Variants in SNX8 observed in about 807,000 individuals in gnomAD.
SNX8 encodes the protein sorting nexin-8.
In SNX8, 25 loss-of-function variants were observed where a neutral mutation model predicts 51.6. That is an observed-to-expected ratio of 0.48 (90% CI 0.35 to 0.68). The LOEUF (loss-of-function observed/expected upper bound fraction) is 0.68, where lower values mean the gene tolerates loss of function less well. SNX8 is among the 30% of genes least tolerant of loss of function. The pLI is 0.00. For synonymous variants in SNX8, 324 were observed against 277.0 expected (o/e 1.17, Z -1.68); for missense variants, 695 against 624.0 (o/e 1.11, Z -1.21).
At chr7:2,271,616 C>G (rs1433381680) in intron 4 of SNX8, among the ~76,000 whole-genome samples, 1 of 152,180 alleles carries the variant, frequency 6.6e-6, no homozygotes, top group African/African-American at 2.4e-5. Context: ...CCACAGAGAT[C>G]CATGATCTCC....
intron 2 of SNX8, among the ~76,000 whole-genome samples, chr7:2,276,628 C>T (rs1213399613): frequency 1.4e-5 from 2 of 144,252 alleles, no homozygotes; most frequent in Non-Finnish European, 3.0e-5. Flanking sequence ...CATAGCAAGT[C>T]TCCATTTGTA....
At chr7:2,336,792 A>C (rs1347344451) in intron 1 of SNX8, among the ~76,000 whole-genome samples, 1 of 151,854 alleles carries the variant, frequency 6.6e-6, no homozygotes, top group African/African-American at 2.4e-5. Flanking sequence ...AGATCATTTG[A>C]GGTCAGAAGT....
At chr7:2,260,305 C>T (rs1795305302) in intron 7 of SNX8, among the ~76,000 whole-genome samples, 1 of 152,084 alleles carries the variant, frequency 6.6e-6, no homozygotes, top group Non-Finnish European at 1.5e-5. Context: ...ACCATGTTGG[C>T]CAGGCTGGTC....
chr7:2,269,536 A>G (rs572957528), intron 5 of SNX8, 23 bp downstream of exon 5: 36 of 1,416,962 alleles, frequency 2.5e-5, no homozygotes, highest in Admixed American at 2.3e-4. Flanking sequence ...AAAAAAAAAA[A>G]AAGAAAAAAA....
At chr7:2,350,209 C>G (rs958855108) in intron 1 of SNX8, among the ~76,000 whole-genome samples, 2 of 152,160 alleles carry the variant, frequency 1.3e-5, no homozygotes, top group African/African-American at 4.8e-5. Flanking sequence ...TTATCTCATC[C>G]AAACTCCCCC....
intron 1 of SNX8, chr7:2,309,790 A>T (rs1225815695): frequency 2.1e-6 from 1 of 471,028 alleles, no homozygotes; most frequent in South Asian, 1.5e-5. Context: ...CAACGTATTC[A>T]CACAGAGAAC....
chr7:2,317,782 A>G (rs568114014), upstream of SNX8, among the ~76,000 whole-genome samples: 1 of 152,202 alleles, frequency 6.6e-6, no homozygotes, highest in East Asian at 1.9e-4. Context: ...ACCTCCATGC[A>G]AGCAGGCACA....
intron 1 of SNX8, among the ~76,000 whole-genome samples, chr7:2,339,874 T>G (rs1261742924): frequency 6.6e-6 from 1 of 152,148 alleles, no homozygotes. Flanking sequence ...ACCATGTATT[T>G]TCTGCACGTG....
intron 1 of SNX8, among the ~76,000 whole-genome samples, chr7:2,320,086 T>C (rs1455519810): frequency 6.6e-6 from 1 of 152,206 alleles, no homozygotes; most frequent in Non-Finnish European, 1.5e-5. Context: ...GCCAGGCACA[T>C]GGCTCACGCC....
rs193055340 is a variant in SNX8 at position 2,322,161 on chromosome 7, T to C, written c.-66+32061A>G. Among the ~76,000 whole-genome samples the C allele has an allele frequency of 2.6e-5, 4 of 152,302 alleles. No homozygotes were observed. The East Asian group carries it at 7.7e-4, about 29-fold the overall frequency. On this transcript the variant is annotated intron_variant, in intron 1 of 5. Transcript: ENST00000435336. The stretch of plus-strand genomic sequence containing the variant: ...ACTAGCTGGGCAAATGGACAGAACT[T>C]AGCATGCAGAGCATCGGAGTCAGAA...
chr7:2,257,398 C>T lies in SNX8; in HGVS notation c.1101G>A (p.Glu367=), dbSNP rs757992496. ...TGCGGGACTCCAGCTGCTCCACGGACTCCGGCTCGCGGTTCTGCGCGGTGG... is the reference window on the plus strand; with the variant it reads ...TGCGGGACTCCAGCTGCTCCACGGATTCCGGCTCGCGGTTCTGCGCGGTGG... ...MSATAQNREP[E]SVEQLESRIV... is the part of the protein sequence containing the mutation. The change falls in exon 9 of 11, where the codon GAG becomes GAA. Residue 367 remains glutamate, a synonymous_variant. Transcript: ENST00000222990. The T allele has an allele frequency of 3.1e-6, 5 of 1,610,186 alleles. No individual in the cohort carries two copies. Among genetic ancestry groups the T allele is most frequent in the Non-Finnish European group, 4.2e-6 (5 of 1,179,604 alleles).
chr7:2,336,137 C>T (rs549019499), intron 1 of SNX8, among the ~76,000 whole-genome samples: 2 of 150,750 alleles, frequency 1.3e-5, no homozygotes, highest in Admixed American at 6.6e-5. Flanking sequence ...CACGGTGGCT[C>T]ACACCTGTGA....
chr7:2,257,170 G>T, intron 9 of SNX8, 147 bp from the exon 10 acceptor site: 1 of 1,188,830 alleles, frequency 8.4e-7, no homozygotes, highest in Non-Finnish European at 1.1e-6. Flanking sequence ...GTAAGAGAGG[G>T]CCGGGGAGGG....
chr7:2,293,601 G>A (rs1796203445), intron 1 of SNX8, among the ~76,000 whole-genome samples: 1 of 151,722 alleles, frequency 6.6e-6, no homozygotes, highest in Non-Finnish European at 1.5e-5. Flanking sequence ...GGTGATGGTT[G>A]CAGTGAGCCA....
chr7:2,311,944 A>G (rs1796667551), intron 1 of SNX8, among the ~76,000 whole-genome samples: 1 of 151,988 alleles, frequency 6.6e-6, no homozygotes, highest in Non-Finnish European at 1.5e-5. Context: ...CTCAAGAAAA[A>G]AAAAAAAAGA....
At chr7:2,344,157 T>TCGTGC (rs1466802485) in intron 1 of SNX8, among the ~76,000 whole-genome samples, 1 of 151,228 alleles carries the variant, frequency 6.6e-6, no homozygotes, top group African/African-American at 2.4e-5. Context: ...TGAGCCATGA[T>TCGTGC]CACGTAATTG....
chr7:2,263,439 C>G (rs2286208), intron 6 of SNX8, 77 bp from the exon 7 acceptor site: 3 of 1,414,064 alleles, frequency 2.1e-6, no homozygotes, highest in South Asian at 1.3e-5. Context: ...GCATCCCCCC[C>G]GACAGATGTC....
intron 1 of SNX8, among the ~76,000 whole-genome samples, chr7:2,326,924 G>A (rs1468088025): frequency 6.6e-6 from 1 of 151,970 alleles, no homozygotes; most frequent in Non-Finnish European, 1.5e-5. Context: ...TTGGCAAAAT[G>A]GCAAAACCCT....
chr7:2,324,174 G>C lies in SNX8; in HGVS notation c.-66+30048C>G, dbSNP rs116185779. Among the ~76,000 whole-genome samples, 734 of 152,106 alleles carry C rather than the reference G, an allele frequency of 4.8e-3. 7 individuals are homozygous for C. Among genetic ancestry groups the C allele is most frequent in the African/African-American group, 0.016 (685 of 41,532 alleles). On this transcript the variant is annotated intron_variant, in intron 1 of 5. Transcript: ENST00000435336. ...ATGTATCTCATCCTGGCCGGGGGCA[G>C]TGGCTCACGTCTGTAATCATAGCAC...
Sources: allele counts gnomAD v4.1 joint callset (sites outside exome capture counted in the v4.1 genomes callset), GRCh38; gene constraint gnomAD v4.1.1; transcripts MANE v1.5; gene names NCBI Gene and HGNC (gene_info 2026-07-23, HGNC 2026-07-21).